The following GRM1 variants were observed in gnomAD, a reference collection of about 807,000 sequenced individuals.
GRM1 encodes the protein glutamate metabotropic receptor 1, also known as metabotropic glutamate receptor 1.
Under a neutral mutation model 90.9 loss-of-function variants are expected in GRM1, and 33 were observed. That is an observed-to-expected ratio of 0.36 (90% CI 0.28 to 0.49). GRM1 has a LOEUF of 0.49. Ranked by LOEUF, GRM1 falls within the 20% of genes least tolerant of loss-of-function variation. The probability of loss-of-function intolerance (pLI) is 0.99; values close to 1 mark genes in which losing one functional copy is unlikely to be tolerated. For missense variants in GRM1, 1,190 were observed against 1,534.3 expected (o/e 0.78, Z 3.75); for synonymous variants, 700 against 613.2 (o/e 1.14, Z -2.09).
chr6:146,155,471 C>T (rs540936798), intron 1 of GRM1, among the ~76,000 whole-genome samples: 2 of 152,246 alleles, frequency 1.3e-5, no homozygotes, highest in Non-Finnish European at 2.9e-5. Flanking sequence ...ATGACAAAAT[C>T]GCCTAACAAC....
At chr6:146,411,892 A>C (rs1192145113) in intron 7 of GRM1, among the ~76,000 whole-genome samples, 1 of 152,182 alleles carries the variant, frequency 6.6e-6, no homozygotes, top group Non-Finnish European at 1.5e-5. Context: ...GATCTGGAAA[A>C]GGAGGAGAGC....
chr6:146,387,570 A>G (rs539827622), intron 6 of GRM1, among the ~76,000 whole-genome samples: 24 of 152,264 alleles, frequency 1.6e-4, no homozygotes, highest in African/African-American at 5.3e-4. Context: ...AGATATCTAT[A>G]AAGTGCATAA....
At chr6:146,213,684 TTAGA>T (rs750265154) in intron 2 of GRM1, among the ~76,000 whole-genome samples, 24,772 of 146,262 alleles carry the variant, frequency 0.17, 2,112 homozygotes, top group African/African-American at 0.21. Context: ...GATGGAAAGA[TTAGA>T]TAGATAGATA....
At chr6:146,092,863 A>T (rs1405399035) in intron 1 of GRM1, among the ~76,000 whole-genome samples, 1 of 152,112 alleles carries the variant, frequency 6.6e-6, no homozygotes, top group Non-Finnish European at 1.5e-5. Context: ...GATTTCGCCA[A>T]ATTGATTTGT....
At chr6:146,083,811 C>A (rs186103530) in intron 1 of GRM1, among the ~76,000 whole-genome samples, 4 of 152,158 alleles carry the variant, frequency 2.6e-5, no homozygotes, top group Admixed American at 2.6e-4. Context: ...GGGAATGGTA[C>A]TAGCTCCACT....
chr6:146,366,640 C>A (rs1051843195), intron 5 of GRM1, among the ~76,000 whole-genome samples: 1 of 152,122 alleles, frequency 6.6e-6, no homozygotes, highest in Non-Finnish European at 1.5e-5. Flanking sequence ...TTCCTCCAGG[C>A]TCATTCATGT....
chr6:146,268,753 A>C (rs1198177945), intron 2 of GRM1, among the ~76,000 whole-genome samples: 2 of 152,166 alleles, frequency 1.3e-5, no homozygotes, highest in African/African-American at 4.8e-5. Context: ...CCTCTCTTAA[A>C]ACTCATAATG....
At chr6:146,213,732 A>G (rs1779763408) in intron 2 of GRM1, among the ~76,000 whole-genome samples, 1 of 152,176 alleles carries the variant, frequency 6.6e-6, no homozygotes, top group South Asian at 2.1e-4. Context: ...AGATAGATAG[A>G]TAGATGGATG....
chr6:146,257,873 T>A (rs934176807), intron 2 of GRM1, among the ~76,000 whole-genome samples: 1 of 151,894 alleles, frequency 6.6e-6, no homozygotes, highest in Non-Finnish European at 1.5e-5. Context: ...CAGAGAGACA[T>A]GCAGAAATAA....
At chr6:146,046,859 T>C (rs534313494) in intron 1 of GRM1, among the ~76,000 whole-genome samples, 1 of 152,098 alleles carries the variant, frequency 6.6e-6, no homozygotes, top group East Asian at 1.9e-4. Context: ...TGCCACATCA[T>C]TGTGAGAGGG....
chr6:146,422,834 G>GAA (rs1400633084), intron 7 of GRM1, among the ~76,000 whole-genome samples: 1 of 152,066 alleles, frequency 6.6e-6, no homozygotes, highest in Non-Finnish European at 1.5e-5. Context: ...TTGGACAATG[G>GAA]AAATATATGG....
intron 2 of GRM1, among the ~76,000 whole-genome samples, chr6:146,270,925 C>T (rs1462669461): frequency 1.1e-4 from 13 of 122,238 alleles, no homozygotes; most frequent in African/African-American, 5.2e-4. Flanking sequence ...TCCTTCCTTC[C>T]TTCCTTCCTT....
At chr6:146,074,983 T>G (rs987456601) in intron 1 of GRM1, among the ~76,000 whole-genome samples, 1 of 152,190 alleles carries the variant, frequency 6.6e-6, no homozygotes, top group African/African-American at 2.4e-5. Context: ...TTTCTATGCC[T>G]ATTTTACATC....
chr6:146,349,935 CAGTT>C (rs1255481924), intron 3 of GRM1, among the ~76,000 whole-genome samples: 3 of 152,276 alleles, frequency 2.0e-5, no homozygotes, highest in East Asian at 1.9e-4. Context: ...AGATAAGACA[CAGTT>C]AGAAGGCACC....
chr6:146,240,851 A>T (rs1327186564), intron 2 of GRM1, among the ~76,000 whole-genome samples: 1 of 152,154 alleles, frequency 6.6e-6, no homozygotes, highest in Non-Finnish European at 1.5e-5. Context: ...CCTTGCCAGG[A>T]ATTTACATGT....
chr6:146,120,887 T>C (rs1213080097), intron 1 of GRM1, among the ~76,000 whole-genome samples: 2 of 152,158 alleles, frequency 1.3e-5, no homozygotes, highest in Non-Finnish European at 2.9e-5. Flanking sequence ...GAGATATTGG[T>C]CTAAAATTCT....
At chr6:146,078,955 T>C (rs946343616) in intron 1 of GRM1, among the ~76,000 whole-genome samples, 3 of 152,114 alleles carry the variant, frequency 2.0e-5, no homozygotes, top group African/African-American at 7.2e-5. Context: ...TGGAGTTTAT[T>C]GGGCAAAAAG....
intron 2 of GRM1, among the ~76,000 whole-genome samples, chr6:146,215,292 A>C (rs1475927471): frequency 1.3e-5 from 2 of 152,214 alleles, no homozygotes; most frequent in Non-Finnish European, 2.9e-5. Context: ...AATGATAGTT[A>C]GTCTTAGGAT....
chr6:146,180,089 G>A (rs1778489760), intron 2 of GRM1, among the ~76,000 whole-genome samples: 1 of 151,976 alleles, frequency 6.6e-6, no homozygotes, highest in South Asian at 2.1e-4. Flanking sequence ...AGACTGAAGT[G>A]AGCCATGATC....
Sources: gnomAD v4.1 joint callset for allele counts (sites outside exome capture counted in the v4.1 genomes callset) on GRCh38, gnomAD v4.1.1 for gene constraint, MANE v1.5 for transcripts, NCBI Gene and HGNC (gene_info 2026-07-23, HGNC 2026-07-21) for gene names.